The following COP1 variants were observed in gnomAD, a reference collection of about 807,000 sequenced individuals.
COP1 encodes the protein E3 ubiquitin-protein ligase COP1.
COP1 carries 24 observed loss-of-function variants against 101.3 expected under a neutral mutation model. The ratio of observed to expected loss-of-function variants is 0.24; its 90% CI spans 0.17 to 0.33. COP1 has a LOEUF of 0.33. COP1 is among the 10% of genes least tolerant of loss of function. The pLI, the probability that COP1 is intolerant of heterozygous loss-of-function variation, is 1.00. For missense variants in COP1, 663 were observed against 906.2 expected, an observed-to-expected ratio of 0.73 and a Z score of 3.45; for synonymous variants, 347 against 341.9, an observed-to-expected ratio of 1.01 and a Z score of -0.17.
chr1:176,008,139 G>A (rs985843200), intron 15 of COP1, among the ~76,000 whole-genome samples: 5 of 152,128 alleles, frequency 3.3e-5, no homozygotes, highest in African/African-American at 9.7e-5. Flanking sequence ...TCTTTGACTC[G>A]GAAAGGGAAC....
chr1:176,070,334 CTTTT>C (rs558421046), intron 11 of COP1, among the ~76,000 whole-genome samples: 21 of 138,702 alleles, frequency 1.5e-4, no homozygotes, highest in African/African-American at 4.0e-4. Context: ...CTTGTGCTGC[CTTTT>C]TTTTTTTTTT....
chr1:176,162,369 A>G (rs1410917135), intron 5 of COP1, among the ~76,000 whole-genome samples: 1 of 152,232 alleles, frequency 6.6e-6, no homozygotes, highest in African/African-American at 2.4e-5. Flanking sequence ...AGTTACGTAA[A>G]ATAAATGGAA....
intron 15 of COP1, among the ~76,000 whole-genome samples, chr1:175,992,619 T>C (rs900643552): frequency 3.9e-5 from 6 of 152,226 alleles, no homozygotes; most frequent in African/African-American, 1.4e-4. Flanking sequence ...CGGAGGGTCC[T>C]ACGCCCACGG....
intron 9 of COP1, among the ~76,000 whole-genome samples, chr1:176,105,317 A>C (rs1684122304): frequency 6.6e-6 from 1 of 152,210 alleles, no homozygotes; most frequent in South Asian, 2.1e-4. Flanking sequence ...AATAGAAGTA[A>C]ATGAACCTAA....
chr1:176,007,571 C>G (rs1313009593), intron 15 of COP1, among the ~76,000 whole-genome samples: 1 of 151,268 alleles, frequency 6.6e-6, no homozygotes, highest in African/African-American at 2.4e-5. Context: ...CAGACAGGAC[C>G]CTCAGCTGCA....
At chr1:176,034,236 G>T (rs779785495) in intron 14 of COP1, among the ~76,000 whole-genome samples, 6 of 152,112 alleles carry the variant, frequency 3.9e-5, no homozygotes, top group Admixed American at 6.5e-5. Flanking sequence ...AGCACCTCAA[G>T]CAACAAACAC....
intron 18 of COP1, among the ~76,000 whole-genome samples, chr1:175,963,585 T>C (rs1489599765): frequency 6.6e-6 from 1 of 152,160 alleles, no homozygotes; most frequent in African/African-American, 2.4e-5. Flanking sequence ...ATGATGATGA[T>C]TTTAAATTAA....
chr1:176,147,940 C>T (rs1040627360), intron 6 of COP1, among the ~76,000 whole-genome samples: 3 of 152,096 alleles, frequency 2.0e-5, no homozygotes, highest in Non-Finnish European at 4.4e-5. Context: ...CGCCCTGTTG[C>T]CCAGGCTGGA....
intron 2 of COP1, among the ~76,000 whole-genome samples, chr1:176,177,835 A>G (rs1038328065): frequency 6.6e-6 from 1 of 152,210 alleles, no homozygotes; most frequent in African/African-American, 2.4e-5. Context: ...CCTTCTGGTT[A>G]TCAACTACTT....
chr1:175,973,100 G>GA (rs1653677775), intron 18 of COP1, among the ~76,000 whole-genome samples: 1 of 152,188 alleles, frequency 6.6e-6, no homozygotes, highest in South Asian at 2.1e-4. Context: ...CCAAAGTGCT[G>GA]AGATTACAGG....
Position 176,168,049 on chromosome 1 carries a change from A to C in COP1, c.566-4158T>G, listed in dbSNP as rs189680113. On this transcript the variant is annotated intron_variant, in intron 3 of 19. Coordinates refer to ENST00000367669, the MANE Select transcript of COP1 (RefSeq NM_022457.7). Reference sequence around the variant, plus strand: ...GGATTATTCATTAGAGAGGTAAGAAAATTCAATTTACGATTTTTTTTTTTT... The same window carrying C: ...GGATTATTCATTAGAGAGGTAAGAACATTCAATTTACGATTTTTTTTTTTT... Among the ~76,000 whole-genome samples the C allele has an allele frequency of 6.7e-3, 1,013 of 151,980 alleles. 10 individuals are homozygous for C. Among genetic ancestry groups the C allele is most frequent in the African/African-American group, 0.023 (961 of 41,420 alleles).
At chr1:176,123,080 G>C (rs1687414499) in intron 8 of COP1, among the ~76,000 whole-genome samples, 1 of 152,148 alleles carries the variant, frequency 6.6e-6, no homozygotes. Flanking sequence ...AGTTGGAGTA[G>C]ATTACAATTT....
intron 11 of COP1, among the ~76,000 whole-genome samples, chr1:176,061,911 A>C (rs1331035549): frequency 6.6e-6 from 1 of 152,198 alleles, no homozygotes; most frequent in East Asian, 1.9e-4. Flanking sequence ...GCAAGGAAGA[A>C]AATTCTGATA....
At chr1:176,021,877 T>C (rs1666803404) in intron 15 of COP1, among the ~76,000 whole-genome samples, 1 of 152,224 alleles carries the variant, frequency 6.6e-6, no homozygotes, top group Non-Finnish European at 1.5e-5. Context: ...CTATGTCTGA[T>C]TGAAAACAAC....
chr1:176,159,612 A>G (rs978908855), intron 5 of COP1, among the ~76,000 whole-genome samples: 3 of 152,062 alleles, frequency 2.0e-5, no homozygotes, highest in East Asian at 1.9e-4. Context: ...ACAGATTACT[A>G]TAAGAATTTA....
chr1:176,191,741 T>C (rs1161849506), intron 1 of COP1, among the ~76,000 whole-genome samples: 1 of 152,112 alleles, frequency 6.6e-6, no homozygotes, highest in Non-Finnish European at 1.5e-5. Flanking sequence ...TAAAAAGCCT[T>C]AAAAAACTTA....
In COP1 at chr1:176,162,852, G is replaced by A; in HGVS notation, c.762+17C>T. 1 of 1,557,332 alleles carries A rather than the reference G, an allele frequency of 6.4e-7. No homozygotes were observed. The highest frequency in any genetic ancestry group is 2.3e-5 in the East Asian group (1 of 43,484). ...GTTCATCATTTAAAATTTTTTTTAA[G>A]TTTAGCTACCACTTACTGCTTCCAG... is the stretch of plus-strand genomic sequence containing the variant. On this transcript the variant is annotated intron_variant, in intron 5 of 19. Transcript: ENST00000367669.
At chr1:176,013,188 A>C (rs1162996521) in intron 15 of COP1, among the ~76,000 whole-genome samples, 2 of 152,192 alleles carry the variant, frequency 1.3e-5, no homozygotes, top group Non-Finnish European at 2.9e-5. Context: ...TCATATTAAT[A>C]CTTTTCTAAA....
In COP1 at chr1:176,162,885, T is replaced by C. The variant is rs1385240828; in HGVS notation, c.746A>G (p.Lys249Arg). 2.5e-6 allele frequency: 4 copies of C among 1,600,484 alleles called. No individual in the cohort carries two copies. In the Admixed American group the frequency reaches 5.2e-5, roughly 21 times the overall value. Residue 249 changes from lysine to arginine, a missense_variant, in exon 5 of 20, where the codon AAG becomes AGG. By Grantham distance (26) the Lys-to-Arg change is conservative (BLOSUM62 2). Coordinates refer to ENST00000367669, the MANE Select transcript of COP1 (RefSeq NM_022457.7). ...NLMLELLVQKKKQLEAESHAA... is the reference protein window; with the variant it reads ...NLMLELLVQKRKQLEAESHAA... The stretch of plus-strand genomic sequence containing the variant: ...ACCACTTACTGCTTCCAGTTGTTTC[T>C]TCTTCTGCACTAGTAACTCCAACAT...
Sources: allele counts gnomAD v4.1 joint callset (sites outside exome capture counted in the v4.1 genomes callset), GRCh38; gene constraint gnomAD v4.1.1; transcripts MANE v1.5; gene names NCBI Gene and HGNC (gene_info 2026-07-23, HGNC 2026-07-21).